Variants in VIT observed in about 807,000 individuals in gnomAD.
The protein encoded by VIT is vitrin.
In VIT, 99 loss-of-function variants were observed where a neutral mutation model predicts 78.0. The ratio of observed to expected loss-of-function variants is 1.27; its 90% CI spans 1.08 to 1.50. VIT has a LOEUF of 1.50. Among genes scored for constraint, VIT ranks in the 40% most tolerant of loss-of-function variants. The pLI, the probability that VIT is intolerant of heterozygous loss-of-function variation, is 0.00. For synonymous variants in VIT, 374 were observed against 334.3 expected (o/e 1.12, Z -1.29); for missense variants, 1,126 against 875.3 (o/e 1.29, Z -3.61).
chr2:36,769,288 T>C (rs745681899), intron 7 of VIT, among the ~76,000 whole-genome samples: 34 of 152,216 alleles, frequency 2.2e-4, no homozygotes, highest in Non-Finnish European at 4.3e-4. Context: ...GGCATATTTA[T>C]TTGGCTACGC....
chr2:36,803,349 G>A (rs1353516588), intron 13 of VIT, among the ~76,000 whole-genome samples: 2 of 152,208 alleles, frequency 1.3e-5, no homozygotes, highest in South Asian at 2.1e-4. Context: ...AGCTGCAAGG[G>A]AGTCTGGAAA....
intron 2 of VIT, among the ~76,000 whole-genome samples, chr2:36,719,821 G>T (rs1230826135): frequency 6.6e-6 from 1 of 152,038 alleles, no homozygotes; most frequent in Admixed American, 6.6e-5. Context: ...TGTGACTGTA[G>T]TCCTAGCTAC....
At chr2:36,713,015 T>A (rs768389011) in intron 1 of VIT, among the ~76,000 whole-genome samples, 37 of 152,212 alleles carry the variant, frequency 2.4e-4, no homozygotes, top group Non-Finnish European at 4.0e-4. Context: ...ATCCCTGCCC[T>A]TTTGGAGCTT....
At chr2:36,721,890 C>A (rs1666537062) in intron 2 of VIT, among the ~76,000 whole-genome samples, 1 of 152,202 alleles carries the variant, frequency 6.6e-6, no homozygotes, top group African/African-American at 2.4e-5. Context: ...CTCACCATAG[C>A]TGCAAGATAT....
intron 11 of VIT, among the ~76,000 whole-genome samples, chr2:36,784,891 A>G (rs564753702): frequency 3.3e-5 from 5 of 152,356 alleles, no homozygotes; most frequent in Non-Finnish European, 7.3e-5. Context: ...AACCATTGTC[A>G]TTTAAAAGAG....
intron 9 of VIT, among the ~76,000 whole-genome samples, chr2:36,778,809 T>TGAAGG (rs1180209419): frequency 6.6e-6 from 1 of 152,106 alleles, no homozygotes; most frequent in African/African-American, 2.4e-5. Flanking sequence ...TGAAGCCAGG[T>TGAAGG]GAAGGGAAGG....
intron 3 of VIT, 30 bp from the exon 4 acceptor site, chr2:36,743,070 T>A: frequency 6.2e-7 from 1 of 1,612,734 alleles, no homozygotes; most frequent in Non-Finnish European, 8.5e-7. Flanking sequence ...TAGCACAAGG[T>A]GTAATTTTGA....
intron 2 of VIT, among the ~76,000 whole-genome samples, chr2:36,718,978 C>T (rs926992600): frequency 6.6e-6 from 1 of 152,128 alleles, no homozygotes; most frequent in African/African-American, 2.4e-5. Context: ...GAGGGTGGGA[C>T]AAGAGGTTAG....
intron 2 of VIT, among the ~76,000 whole-genome samples, chr2:36,727,748 T>A (rs1199459228): frequency 6.6e-6 from 1 of 152,242 alleles, no homozygotes; most frequent in Non-Finnish European, 1.5e-5. Context: ...TCCTATTGCC[T>A]AGTGACATTG....
intron 4 of VIT, among the ~76,000 whole-genome samples, chr2:36,748,364 A>G (rs150663065): frequency 6.6e-6 from 1 of 152,318 alleles, no homozygotes; most frequent in African/African-American, 2.4e-5. Flanking sequence ...AGGAAGGCCA[A>G]TGAGTCACAG....
At chr2:36,712,665 G>C (rs1409870750) in intron 1 of VIT, among the ~76,000 whole-genome samples, 1 of 152,036 alleles carries the variant, frequency 6.6e-6, no homozygotes, top group Non-Finnish European at 1.5e-5. Context: ...CTAAAACCCC[G>C]TCTGTACTAA....
At chr2:36,767,861 C>T (rs1327408742) in intron 7 of VIT, among the ~76,000 whole-genome samples, 2 of 152,228 alleles carry the variant, frequency 1.3e-5, no homozygotes, top group Non-Finnish European at 2.9e-5. Context: ...CTTATATCTA[C>T]ACCATCCTAA....
At position 36,781,658 on chromosome 2, in the gene VIT, A is replaced by G. The variant is rs375690225; in HGVS notation, c.803-69A>G. The G allele has an allele frequency of 3.7e-5, 57 of 1,561,544 alleles. 1 individual carries two copies. The Middle Eastern group carries it at 2.0e-3, about 55-fold the overall frequency. On this transcript the variant is annotated intron_variant, in intron 9 of 15. Transcript: ENST00000379242. ...ATTGGGAAACCTTATCATCCCGGCAATTCACTCAAGAGTTTCTGCTGGTTT... is the reference window on the plus strand; with the variant it reads ...ATTGGGAAACCTTATCATCCCGGCAGTTCACTCAAGAGTTTCTGCTGGTTT...
intron 2 of VIT, among the ~76,000 whole-genome samples, chr2:36,723,938 AAAAGAAAAG>A (rs1666670331): frequency 2.0e-5 from 3 of 149,392 alleles, no homozygotes; most frequent in Admixed American, 6.7e-5. Context: ...GCAAGATAAG[AAAAGAAAAG>A]AAAGAAAAGA....
chr2:36,727,308 A>C (rs1666917043), intron 2 of VIT, among the ~76,000 whole-genome samples: 1 of 152,152 alleles, frequency 6.6e-6, no homozygotes, highest in African/African-American at 2.4e-5. Context: ...ACATGGGTGC[A>C]CACAATAGGT....
At chr2:36,782,429 T>C (rs867523136) in intron 10 of VIT, among the ~76,000 whole-genome samples, 7 of 152,326 alleles carry the variant, frequency 4.6e-5, no homozygotes, top group Non-Finnish European at 2.9e-5. Flanking sequence ...GATGAAATCA[T>C]GTGCTTTGCA....
At chr2:36,795,397 T>C (rs1402229167) in intron 12 of VIT, among the ~76,000 whole-genome samples, 6 of 147,486 alleles carry the variant, frequency 4.1e-5, no homozygotes, top group Non-Finnish European at 9.0e-5. Flanking sequence ...TTTTATTTTA[T>C]ATTTTATTTA....
chr2:36,711,409 A>G (rs1259613037), intron 1 of VIT, among the ~76,000 whole-genome samples: 2 of 152,206 alleles, frequency 1.3e-5, no homozygotes, highest in Admixed American at 1.3e-4. Flanking sequence ...AACAAGATGC[A>G]ACCTGCAGAT....
intron 2 of VIT, among the ~76,000 whole-genome samples, chr2:36,729,050 C>T: frequency 6.6e-6 from 1 of 151,966 alleles, no homozygotes; most frequent in Middle Eastern, 3.4e-3. Flanking sequence ...TTTACTATAC[C>T]TTTTTTATGT....
Sources: gnomAD v4.1 joint callset for allele counts (sites outside exome capture counted in the v4.1 genomes callset) on GRCh38, gnomAD v4.1.1 for gene constraint, MANE v1.5 for transcripts, NCBI Gene and HGNC (gene_info 2026-07-23, HGNC 2026-07-21) for gene names.